Variants in TRPC4AP observed in about 807,000 individuals in gnomAD.
TRPC4AP encodes transient receptor potential cation channel subfamily C member 4 associated protein, also known as short transient receptor potential channel 4-associated protein.
Under a neutral mutation model 99.0 loss-of-function variants are expected in TRPC4AP, and 45 were observed. The observed-to-expected ratio is 0.45, with a 90% CI of 0.36 to 0.58. The LOEUF (loss-of-function observed/expected upper bound fraction) is 0.58, where lower values mean the gene tolerates loss of function less well. Ranked by LOEUF, TRPC4AP falls within the 20% of genes least tolerant of loss-of-function variation. TRPC4AP has a pLI of 0.00. For missense variants in TRPC4AP, 879 were observed against 985.3 expected, an observed-to-expected ratio of 0.89 and a Z score of 1.44; for synonymous variants, 408 against 385.8, an observed-to-expected ratio of 1.06 and a Z score of -0.67.
intron 3 of TRPC4AP, among the ~76,000 whole-genome samples, chr20:35,063,723 T>C (rs2084067275): frequency 6.6e-6 from 1 of 151,980 alleles, no homozygotes; most frequent in Non-Finnish European, 1.5e-5. Context: ...TAGCCACGTG[T>C]GATGGCATGA....
chr20:35,028,948 T>TA (rs1206500445), intron 8 of TRPC4AP, among the ~76,000 whole-genome samples: 6 of 152,214 alleles, frequency 3.9e-5, no homozygotes, highest in African/African-American at 7.2e-5. Flanking sequence ...GTTTTTGTTT[T>TA]AAAGTCTCTC....
At chr20:35,057,434 AG>A (rs1443045713) in intron 4 of TRPC4AP, 79 bp downstream of exon 4, 1 of 1,148,028 alleles carries the variant, frequency 8.7e-7, no homozygotes, top group Non-Finnish European at 1.3e-6. Flanking sequence ...TAGGAAGGGA[AG>A]GAAGAAGGCA....
intron 7 of TRPC4AP, among the ~76,000 whole-genome samples, chr20:35,036,400 A>G (rs954284029): frequency 6.6e-6 from 1 of 152,338 alleles, no homozygotes; most frequent in South Asian, 2.1e-4. Flanking sequence ...TTTTCAATAA[A>G]TACCTTTTTG....
intron 7 of TRPC4AP, among the ~76,000 whole-genome samples, chr20:35,037,248 A>G (rs897450369): frequency 1.6e-4 from 24 of 150,052 alleles, no homozygotes; most frequent in Admixed American, 1.3e-4. Flanking sequence ...TTGGGAGGCT[A>G]AGGCAGGAGA....
At chr20:35,072,355 C>T (rs901762988) in intron 2 of TRPC4AP, among the ~76,000 whole-genome samples, 2 of 152,214 alleles carry the variant, frequency 1.3e-5, no homozygotes, top group Middle Eastern at 3.4e-3. Flanking sequence ...AAGTCCTTGC[C>T]CGTGCCTATG....
intron 2 of TRPC4AP, among the ~76,000 whole-genome samples, chr20:35,073,315 G>C (rs1490152960): frequency 1.3e-5 from 2 of 152,182 alleles, no homozygotes; most frequent in African/African-American, 4.8e-5. Context: ...ACACTATGTT[G>C]AATAGGAGTG....
At chr20:35,021,572 ATC>A (rs1395609314) in intron 8 of TRPC4AP, among the ~76,000 whole-genome samples, 3 of 152,232 alleles carry the variant, frequency 2.0e-5, no homozygotes, top group Non-Finnish European at 4.4e-5. Context: ...GTTGTGCCTC[ATC>A]AACTTTAACA....
intron 2 of TRPC4AP, among the ~76,000 whole-genome samples, chr20:35,077,105 C>T (rs1047298865): frequency 1.2e-4 from 18 of 152,152 alleles, no homozygotes; most frequent in African/African-American, 4.1e-4. Context: ...TTGCTAAGGC[C>T]GTTGGAAAAG....
At chr20:35,083,496 C>T (rs536412178) in intron 1 of TRPC4AP, among the ~76,000 whole-genome samples, 13 of 151,102 alleles carry the variant, frequency 8.6e-5, no homozygotes, top group Non-Finnish European at 1.6e-4. Flanking sequence ...GTAATCCCAG[C>T]TACTAGGGGA....
intron 5 of TRPC4AP, among the ~76,000 whole-genome samples, chr20:35,052,341 G>A (rs926225900): frequency 3.3e-5 from 5 of 151,918 alleles, no homozygotes; most frequent in Admixed American, 2.0e-4. Context: ...CAATTCTCCT[G>A]CCTCGGCCTA....
At chr20:35,071,075 G>C (rs2084300908) in intron 2 of TRPC4AP, among the ~76,000 whole-genome samples, 1 of 152,066 alleles carries the variant, frequency 6.6e-6, no homozygotes, top group Non-Finnish European at 1.5e-5. Flanking sequence ...AGTTTAAGAA[G>C]CTATAATTAT....
intron 4 of TRPC4AP, among the ~76,000 whole-genome samples, chr20:35,056,336 GAAAA>G (rs1188230364): frequency 2.0e-5 from 3 of 152,172 alleles, no homozygotes; most frequent in African/African-American, 4.8e-5. Flanking sequence ...AGTGGTGAGG[GAAAA>G]AAAGTCTCAG....
chr20:35,048,355 G>A (rs895551546), intron 6 of TRPC4AP, among the ~76,000 whole-genome samples: 3 of 151,922 alleles, frequency 2.0e-5, no homozygotes, highest in African/African-American at 7.3e-5. Flanking sequence ...GGGACTACAG[G>A]TGTGCACCAC....
chr20:35,084,878 A>C (rs934047247), intron 1 of TRPC4AP, among the ~76,000 whole-genome samples: 1 of 152,118 alleles, frequency 6.6e-6, no homozygotes, highest in African/African-American at 2.4e-5. Context: ...TGTACAATAT[A>C]TGGCCCTGCT....
chr20:35,022,103 G>C (rs1164804253), intron 8 of TRPC4AP, among the ~76,000 whole-genome samples: 1 of 150,702 alleles, frequency 6.6e-6, no homozygotes, highest in Non-Finnish European at 1.5e-5. Flanking sequence ...AGACTGAATG[G>C]GAACGTAAGA....
In TRPC4AP at chr20:35,013,047, T is replaced by G; in HGVS notation, c.1370A>C (p.Gln457Pro). Residue 457 changes from glutamine (Q) to proline (P), a missense_variant, in exon 11 of 19, where the codon CAG becomes CCG. Gln to Pro is a moderately conservative substitution (Grantham distance 76, BLOSUM62 -1). Around this residue, in one of 3 missense-constraint regions of TRPC4AP, gnomAD observed 603 missense variants for 631.8 expected, o/e 0.95. Coordinates refer to ENST00000252015, the MANE Select transcript of TRPC4AP (RefSeq NM_015638.3). ...DCSPDITLKIQFLRLLQSFSD... is the reference protein window; with the variant it reads ...DCSPDITLKIPFLRLLQSFSD... ...GAAGCTCTGAAGAAGCCTCAAAAACTGTATCTTCAAGGTGATGTCCTGAAA... is the reference window on the plus strand; with the variant it reads ...GAAGCTCTGAAGAAGCCTCAAAAACGGTATCTTCAAGGTGATGTCCTGAAA... 6.2e-7 allele frequency: 1 copy of G among 1,614,102 alleles called. No individual in the cohort carries two copies. The highest frequency in any genetic ancestry group is 1.1e-5 in the South Asian group (1 of 91,074).
chr20:35,073,875 T>G (rs1175487949), intron 2 of TRPC4AP, among the ~76,000 whole-genome samples: 1 of 152,248 alleles, frequency 6.6e-6, no homozygotes, highest in Non-Finnish European at 1.5e-5. Context: ...TCTGGTAGAA[T>G]TCGGCTGTGA....
chr20:35,015,922 A>G, intron 10 of TRPC4AP, 86 bp downstream of exon 10: 1 of 1,559,784 alleles, frequency 6.4e-7, no homozygotes, highest in Non-Finnish European at 8.7e-7. Context: ...CCCAAAGGAA[A>G]AAAGGTCAAA....
At chr20:35,010,886 G>C (rs1056433955) in intron 11 of TRPC4AP, among the ~76,000 whole-genome samples, 4 of 152,200 alleles carry the variant, frequency 2.6e-5, no homozygotes, top group African/African-American at 9.7e-5. Flanking sequence ...GCTTCCCACT[G>C]CATTTAGAAC....
Sources: allele counts gnomAD v4.1 joint callset (sites outside exome capture counted in the v4.1 genomes callset), GRCh38; gene constraint gnomAD v4.1.1; regional missense constraint gnomAD v4.1.1; transcripts MANE v1.5; gene names NCBI Gene and HGNC (gene_info 2026-07-23, HGNC 2026-07-21).